ZNF780A: variants seen among roughly 807,000 people sequenced by gnomAD.
ZNF780A encodes the protein zinc finger protein 780A.
A neutral mutation model predicts 56.7 loss-of-function variants in ZNF780A; 40 were observed. That is an observed-to-expected ratio of 0.71 (90% CI 0.55 to 0.92). The LOEUF is 0.92. Ranked by LOEUF, ZNF780A falls within the 40% of genes least tolerant of loss-of-function variation. The pLI is 0.00. For missense variants in ZNF780A, 672 were observed against 783.3 expected, an observed-to-expected ratio of 0.86 and a Z score of 1.70; for synonymous variants, 231 against 248.3, an observed-to-expected ratio of 0.93 and a Z score of 0.66.
At chr19:40,089,214 G>A in intron 2 of ZNF780A, 5 of 1,383,144 alleles carry the variant, frequency 3.6e-6, no homozygotes, top group Non-Finnish European at 3.8e-6. Context: ...GTGAGGTAAT[G>A]CATTGTTAAT....
downstream of ZNF780A, chr19:40,072,185 A>G (rs1973843985): frequency 8.5e-6 from 2 of 235,978 alleles, no homozygotes; most frequent in Non-Finnish European, 1.7e-5. Flanking sequence ...CCATGCTCCA[A>G]TGTTAATGAC....
chr19:40,084,975 G>A (rs367996574), intron 2 of ZNF780A, among the ~76,000 whole-genome samples, 177 bp from the exon 3 acceptor site: 142 of 152,308 alleles, frequency 9.3e-4, no homozygotes, highest in Middle Eastern at 6.8e-3. Context: ...GGCAGTGAAC[G>A]GGTGGAGTAG....
downstream of ZNF780A, chr19:40,070,903 T>C (rs2144888849): frequency 6.6e-6 from 1 of 152,164 alleles, no homozygotes; most frequent in African/African-American, 2.4e-5. Context: ...CCAGGGAATC[T>C]GTTGAGTTCA....
At chr19:40,080,035 GAAGA>G (rs1015262860) in intron 5 of ZNF780A, among the ~76,000 whole-genome samples, 8 of 151,594 alleles carry the variant, frequency 5.3e-5, no homozygotes, top group African/African-American at 1.9e-4. Flanking sequence ...GAAGAAAAGA[GAAGA>G]AATAAGCAAA....
Position 40,074,298 on chromosome 19 carries a change from T to A in ZNF780A, c.*218A>T. The A allele has an allele frequency of 7.4e-6, 11 of 1,495,326 alleles. No homozygotes were observed. The South Asian group carries it at 1.4e-4, about 20-fold the overall frequency. 92.6% of individuals were successfully genotyped at this position (1,495,326 alleles called of 1,614,324 possible). On this transcript the variant is annotated 3_prime_UTR_variant, in exon 6 of 6. Coordinates refer to ENST00000683561, the MANE Select transcript of ZNF780A (RefSeq NM_001142578.2). ...TTTTTTACCAGTGTGAATTTGGTAA[T>A]GTTAAATAAGTGGTAATGATATCTA...
chr19:40,083,313 G>C (rs769788826), intron 3 of ZNF780A, 76 bp from the exon 4 acceptor site: 3 of 1,581,694 alleles, frequency 1.9e-6, no homozygotes, highest in Admixed American at 1.9e-5. Context: ...AAGTGAAGGA[G>C]TGTAGTGTAA....
In ZNF780A at chr19:40,073,782, A is replaced by G. The variant is rs1235884312; in HGVS notation, c.*734T>C. 2.0e-6 allele frequency: 2 copies of G among 986,804 alleles called. No homozygotes were observed. Among genetic ancestry groups the G allele is most frequent in the Non-Finnish European group, 2.4e-6 (2 of 830,998 alleles). The allele number at this position is 986,804 out of a possible 1,614,324, so 61.1% of individuals were successfully genotyped here. ...TATGTTCACAAGATTTCTCATCAAT[A>G]TGAGCTCTCTGGTGTTGAGTAAATT... On this transcript the variant is annotated 3_prime_UTR_variant, in exon 6 of 6. Coordinates refer to ENST00000683561, the MANE Select transcript of ZNF780A (RefSeq NM_001142578.2).
rs750871885 is a variant in ZNF780A at position 40,073,064 on chromosome 19, T to C, written c.*1452A>G. On this transcript the variant is annotated 3_prime_UTR_variant, in exon 6 of 6. Coordinates refer to ENST00000683561, the MANE Select transcript of ZNF780A (RefSeq NM_001142578.2). Reference sequence around the variant, plus strand: ...AATGGCTATATGATATTGTCTATATTGTCTTCATGTTTGGTTGATACACAC... The same window carrying C: ...AATGGCTATATGATATTGTCTATATCGTCTTCATGTTTGGTTGATACACAC... The C allele has an allele frequency of 3.2e-5, 45 of 1,414,372 alleles. No homozygotes were observed. The highest frequency in any genetic ancestry group is 4.1e-5 in the Non-Finnish European group (45 of 1,087,662). 87.6% of individuals were successfully genotyped at this position (1,414,372 alleles called of 1,614,324 possible). A position where few individuals can be genotyped will look rare whatever the true frequency, so the allele number is the denominator to read the frequency against.
At chr19:40,072,878 ATACAC>A, downstream of ZNF780A, 1 of 1,547,284 alleles carries the variant, frequency 6.5e-7, no homozygotes, top group Non-Finnish European at 8.7e-7. Context: ...CCAGGCTACA[ATACAC>A]TAAAGAGAGA....
intron 2 of ZNF780A, among the ~76,000 whole-genome samples, chr19:40,085,946 A>ATG (rs1386719326): frequency 2.0e-5 from 3 of 150,522 alleles, no homozygotes; most frequent in African/African-American, 7.4e-5. Flanking sequence ...ACACACACAC[A>ATG]CGTGTGTGTA....
At chr19:40,084,838 G>T in intron 2 of ZNF780A, 40 bp from the exon 3 acceptor site, 1 of 1,544,546 alleles carries the variant, frequency 6.5e-7, no homozygotes. Context: ...AATTAAAGCT[G>T]TGTCTCAAAA....
intron 2 of ZNF780A, among the ~76,000 whole-genome samples, chr19:40,087,344 C>T (rs1211387736): frequency 6.6e-6 from 1 of 152,068 alleles, no homozygotes; most frequent in African/African-American, 2.4e-5. Flanking sequence ...CATTCCTGAC[C>T]TCTATCCATT....
chr19:40,080,719 G>C (rs1488196730), intron 5 of ZNF780A, among the ~76,000 whole-genome samples: 1 of 152,052 alleles, frequency 6.6e-6, no homozygotes, highest in Non-Finnish European at 1.5e-5. Flanking sequence ...TACCTATTGG[G>C]TACTATGCTT....
intron 5 of ZNF780A, among the ~76,000 whole-genome samples, chr19:40,081,264 G>C (rs779623079): frequency 2.0e-5 from 3 of 151,924 alleles, no homozygotes; most frequent in Non-Finnish European, 4.4e-5. Flanking sequence ...TGGGCACGAT[G>C]GCTCACACCT....
At chr19:40,080,086 C>A (rs1310467547) in intron 5 of ZNF780A, among the ~76,000 whole-genome samples, 2 of 151,674 alleles carry the variant, frequency 1.3e-5, no homozygotes, top group African/African-American at 4.8e-5. Context: ...CCACTGACAC[C>A]ACAGAAACAG....
chr19:40,078,608 A>G (rs1974292548), intron 5 of ZNF780A, among the ~76,000 whole-genome samples: 1 of 152,226 alleles, frequency 6.6e-6, no homozygotes, highest in Admixed American at 6.5e-5. Flanking sequence ...CTCAACAGAA[A>G]GAAATGAGAG....
chr19:40,071,080 T>C (rs1300960287), downstream of ZNF780A: 1 of 152,166 alleles, frequency 6.6e-6, no homozygotes, highest in Non-Finnish European at 1.5e-5. Flanking sequence ...ACTTTACCTA[T>C]GATTATAGAT....
At chr19:40,080,211 C>A (rs923999840) in intron 5 of ZNF780A, among the ~76,000 whole-genome samples, 2 of 152,164 alleles carry the variant, frequency 1.3e-5, no homozygotes, top group African/African-American at 2.4e-5. Flanking sequence ...CTGCTGAATT[C>A]TATCTACCAA....
At chr19:40,081,213 GAAA>G (rs36028897) in intron 5 of ZNF780A, among the ~76,000 whole-genome samples, 26 of 143,114 alleles carry the variant, frequency 1.8e-4, no homozygotes, top group South Asian at 4.4e-4. Flanking sequence ...CAAATAACAG[GAAA>G]AAAAAAAAAA....
Sources: gnomAD v4.1 joint callset for allele counts (sites outside exome capture counted in the v4.1 genomes callset) on GRCh38, gnomAD v4.1.1 for gene constraint, MANE v1.5 for transcripts, NCBI Gene and HGNC (gene_info 2026-07-23, HGNC 2026-07-21) for gene names.